The following RAD51B variants were observed in gnomAD, a reference collection of about 807,000 sequenced individuals.
The protein encoded by RAD51B is RAD51 paralog B.
RAD51B carries 38 observed loss-of-function variants against 42.2 expected under a neutral mutation model. The ratio of observed to expected loss-of-function variants is 0.90; its 90% CI spans 0.70 to 1.18. The LOEUF (loss-of-function observed/expected upper bound fraction) is 1.18, where lower values mean the gene tolerates loss of function less well. Ranked by LOEUF, RAD51B falls within the 50% of genes most tolerant of loss-of-function variation. RAD51B has a pLI of 0.00. For missense variants in RAD51B, 373 were observed against 400.7 expected, an observed-to-expected ratio of 0.93 and a Z score of 0.59; for synonymous variants, 154 against 145.2, an observed-to-expected ratio of 1.06 and a Z score of -0.43.
chr14:68,504,381 CTT>C (rs1292110549), intron 10 of RAD51B, among the ~76,000 whole-genome samples: 4 of 152,228 alleles, frequency 2.6e-5, no homozygotes, highest in African/African-American at 9.6e-5. Context: ...TATGCACATT[CTT>C]TAATTTAGGC....
At chr14:68,387,766 ACT>A (rs572024538) in intron 8 of RAD51B, among the ~76,000 whole-genome samples, 42 of 151,960 alleles carry the variant, frequency 2.8e-4, no homozygotes, top group African/African-American at 9.7e-4. Context: ...TTACACACAC[ACT>A]CTACCACTAC....
chr14:68,660,799 G>A (rs893985558), intron 11 of RAD51B, among the ~76,000 whole-genome samples: 2 of 152,196 alleles, frequency 1.3e-5, no homozygotes, highest in African/African-American at 4.8e-5. Context: ...TGGGTAGGAA[G>A]AGCCACTTGT....
chr14:68,596,677 C>G (rs1031568356), downstream of RAD51B, among the ~76,000 whole-genome samples: 5 of 152,216 alleles, frequency 3.3e-5, no homozygotes, highest in South Asian at 2.1e-4. Context: ...AACAGATAGG[C>G]CTGGCACACG....
chr14:68,045,993 C>T (rs2076293406), intron 7 of RAD51B, among the ~76,000 whole-genome samples: 1 of 152,164 alleles, frequency 6.6e-6, no homozygotes, highest in Admixed American at 6.5e-5. Context: ...CAGCAGCAGC[C>T]ACCGCTGCTG....
intron 7 of RAD51B, among the ~76,000 whole-genome samples, chr14:67,907,894 A>G (rs2043830973): frequency 6.6e-6 from 1 of 152,158 alleles, no homozygotes; most frequent in Non-Finnish European, 1.5e-5. Context: ...TGTTTTAGGC[A>G]TGATCCTTTG....
At chr14:67,854,894 G>T (rs941053908) in intron 4 of RAD51B, among the ~76,000 whole-genome samples, 1 of 152,134 alleles carries the variant, frequency 6.6e-6, no homozygotes, top group African/African-American at 2.4e-5. Context: ...TGAGCCAGGA[G>T]TTCAAACCTG....
intron 7 of RAD51B, among the ~76,000 whole-genome samples, chr14:68,286,239 A>G (rs1437844231): frequency 6.6e-6 from 1 of 152,150 alleles, no homozygotes; most frequent in African/African-American, 2.4e-5. Flanking sequence ...CATCTGTACT[A>G]TTGGTCTTAG....
intron 8 of RAD51B, among the ~76,000 whole-genome samples, chr14:68,392,277 C>G (rs1300830143): frequency 6.6e-6 from 1 of 152,088 alleles, no homozygotes; most frequent in Admixed American, 6.5e-5. Flanking sequence ...TTAGAAAAAC[C>G]CAAGCAAACC....
At chr14:68,027,529 A>C in intron 7 of RAD51B, among the ~76,000 whole-genome samples, 1 of 151,872 alleles carries the variant, frequency 6.6e-6, no homozygotes, top group Non-Finnish European at 1.5e-5. Context: ...TATTTTGTTC[A>C]TTTTTTAAAA....
chr14:68,530,657 T>C (rs962601424), intron 10 of RAD51B, among the ~76,000 whole-genome samples: 33 of 152,124 alleles, frequency 2.2e-4, no homozygotes, highest in African/African-American at 7.5e-4. Context: ...CTAGCTAAAC[T>C]AGCTTTCAAG....
chr14:68,215,506 T>C (rs1188991792), intron 7 of RAD51B, among the ~76,000 whole-genome samples: 2 of 152,208 alleles, frequency 1.3e-5, no homozygotes, highest in Non-Finnish European at 2.9e-5. Flanking sequence ...CTTATAATAG[T>C]TCCGGGAGTT....
At chr14:67,838,581 T>C (rs1436036044) in intron 4 of RAD51B, among the ~76,000 whole-genome samples, 2 of 152,104 alleles carry the variant, frequency 1.3e-5, no homozygotes, top group Non-Finnish European at 2.9e-5. Flanking sequence ...TAGCTAGGAC[T>C]ACAGGTGTGC....
intron 10 of RAD51B, among the ~76,000 whole-genome samples, chr14:68,470,097 C>G (rs145962738): frequency 1.3e-5 from 2 of 152,172 alleles, no homozygotes; most frequent in Non-Finnish European, 2.9e-5. Flanking sequence ...AGTTGGAAAA[C>G]AGGGGAGAAA....
intron 7 of RAD51B, among the ~76,000 whole-genome samples, chr14:67,970,799 A>G (rs1225293949): frequency 6.6e-6 from 1 of 152,078 alleles, no homozygotes; most frequent in Non-Finnish European, 1.5e-5. Context: ...CTTTAAAGGA[A>G]AAATAATTTA....
At chr14:68,297,500 C>G (rs951524486) in intron 8 of RAD51B, among the ~76,000 whole-genome samples, 16 of 152,188 alleles carry the variant, frequency 1.1e-4, no homozygotes, top group Admixed American at 1.3e-4. Context: ...TAGCAGAAAT[C>G]TCTACATGCT....
intron 8 of RAD51B, among the ~76,000 whole-genome samples, chr14:68,406,524 A>G (rs1273990741): frequency 1.3e-5 from 2 of 152,232 alleles, no homozygotes; most frequent in African/African-American, 2.4e-5. Context: ...ACTGCAGCTT[A>G]TAGGACTGGA....
chr14:68,380,639 G>A (rs2083461119), intron 8 of RAD51B, among the ~76,000 whole-genome samples: 1 of 152,308 alleles, frequency 6.6e-6, no homozygotes, highest in East Asian at 1.9e-4. Context: ...ACAGAAAAAT[G>A]CCAAGTCTCT....
At chr14:68,064,327 T>TA (rs1415537118) in intron 7 of RAD51B, among the ~76,000 whole-genome samples, 1 of 152,220 alleles carries the variant, frequency 6.6e-6, no homozygotes, top group Non-Finnish European at 1.5e-5. Context: ...CTTAGTCTAA[T>TA]GGGGATTCCC....
chr14:68,669,473 G>C (rs1486041930), intron 11 of RAD51B, among the ~76,000 whole-genome samples: 1 of 152,198 alleles, frequency 6.6e-6, no homozygotes, highest in Non-Finnish European at 1.5e-5. Context: ...TTTTGGATGA[G>C]AAACAGGAAG....
Sources: gnomAD v4.1 joint callset for allele counts (sites outside exome capture counted in the v4.1 genomes callset) on GRCh38, gnomAD v4.1.1 for gene constraint, MANE v1.5 for transcripts, NCBI Gene and HGNC (gene_info 2026-07-23, HGNC 2026-07-21) for gene names.